The following PMPCB variants were observed in gnomAD, a reference collection of about 807,000 sequenced individuals.
The protein encoded by PMPCB is mitochondrial-processing peptidase subunit beta.
A neutral mutation model predicts 61.5 loss-of-function variants in PMPCB; 46 were observed. The observed-to-expected ratio is 0.75, with a 90% confidence interval of 0.59 to 0.96. The LOEUF (loss-of-function observed/expected upper bound fraction) is 0.96, where lower values mean the gene tolerates loss of function less well. PMPCB is among the 40% of genes least tolerant of loss of function. The pLI is 0.00. For missense variants in PMPCB, 590 were observed against 602.4 expected, an observed-to-expected ratio of 0.98 and a Z score of 0.22; for synonymous variants, 191 against 201.6, an observed-to-expected ratio of 0.95 and a Z score of 0.44.
In PMPCB at chr7:103,309,101, T is replaced by G. The variant is rs1175322767; in HGVS notation, c.993+6T>G. 1 of 1,583,158 alleles carries G rather than the reference T, an allele frequency of 6.3e-7. No homozygotes were observed. Among genetic ancestry groups the G allele is most frequent in the Admixed American group, 1.9e-5 (1 of 52,990 alleles). ...GCTCTTTTGGGGGAGGAATGGTAAG[T>G]GATTTTAAAAGAAATTTTCCATAAC... is the stretch of plus-strand genomic sequence containing the variant. On this transcript the variant is annotated splice_donor_region_variant and intron_variant, in intron 8 of 12. Transcript: ENST00000249269.
intron 7 of PMPCB, among the ~76,000 whole-genome samples, chr7:103,308,633 A>G (rs1205886798): frequency 6.6e-6 from 1 of 152,184 alleles, no homozygotes; most frequent in Non-Finnish European, 1.5e-5. Flanking sequence ...AAAAAGAAAG[A>G]AAAAGACAAA....
At chr7:103,341,983 C>T in the PMPCB span, 21 of 1,482,898 alleles carry the variant, frequency 1.4e-5, no homozygotes, top group Non-Finnish European at 1.8e-5. Flanking sequence ...AGAGAGGCTT[C>T]AGTGTATCGC....
downstream of PMPCB, chr7:103,319,579 A>T (rs955926545): frequency 6.2e-7 from 1 of 1,605,908 alleles, no homozygotes; most frequent in African/African-American, 1.3e-5. Flanking sequence ...AATGCTACAT[A>T]TAGGTAGGAG....
At chr7:103,304,105 A>C (rs943324393) in intron 5 of PMPCB, 65 bp downstream of exon 5, 2 of 1,253,658 alleles carry the variant, frequency 1.6e-6, no homozygotes, top group East Asian at 2.3e-5. Context: ...AACATTTACA[A>C]ATTTTCAAAA....
intron 12 of PMPCB, chr7:103,326,421 G>C (rs1430006981): frequency 1.0e-6 from 1 of 968,308 alleles, no homozygotes; most frequent in African/African-American, 1.7e-5. Context: ...AGGAGGAGGA[G>C]GAAGAGACAG....
intron 4 of PMPCB, among the ~76,000 whole-genome samples, chr7:103,301,238 C>A (rs573848746): frequency 6.6e-6 from 1 of 152,290 alleles, no homozygotes; most frequent in South Asian, 2.1e-4. Context: ...TGTCTTCTTA[C>A]CAGATTCATT....
In PMPCB at chr7:103,312,702, C is replaced by A; in HGVS notation, c.*431C>A. On this transcript the variant is annotated 3_prime_UTR_variant, in exon 13 of 13. Coordinates refer to ENST00000249269, the MANE Select transcript of PMPCB (RefSeq NM_004279.3). ...GCGATTTAAAAACAGACATTTTAAT[C>A]TAGTGTTTGGTGTAAAGAATTCAAG... is the stretch of plus-strand genomic sequence containing the variant. 1 of 1,600,180 alleles carries A rather than the reference C, an allele frequency of 6.2e-7. No homozygotes were observed. Among genetic ancestry groups the A allele is most frequent in the South Asian group, 1.1e-5 (1 of 88,516 alleles).
chr7:103,314,875 C>T (rs567267663), downstream of PMPCB, among the ~76,000 whole-genome samples: 18 of 152,198 alleles, frequency 1.2e-4, no homozygotes, highest in East Asian at 2.1e-3. Context: ...CATCTTTCTG[C>T]GATTAGTTTA....
intron 9 of PMPCB, chr7:103,311,338 C>A (rs1817743755): frequency 5.6e-6 from 2 of 356,192 alleles, no homozygotes; most frequent in South Asian, 1.1e-4. Context: ...CTGACTTAAC[C>A]CATAGCATAT....
At position 103,312,576 on chromosome 7, in the gene PMPCB, T is replaced by C; in HGVS notation, c.*305T>C. Reference sequence around the variant, plus strand: ...CACACACAACAAAGATTGTCATTTCTTGGCTCTACTTGCATTCAGCACTTG... The same window carrying C: ...CACACACAACAAAGATTGTCATTTCCTGGCTCTACTTGCATTCAGCACTTG... On this transcript the variant is annotated 3_prime_UTR_variant, in exon 13 of 13. Coordinates refer to ENST00000249269, the MANE Select transcript of PMPCB (RefSeq NM_004279.3). 1 of 1,612,374 alleles carries C rather than the reference T, an allele frequency of 6.2e-7. No homozygotes were observed. The highest frequency in any genetic ancestry group is 8.5e-7 in the Non-Finnish European group (1 of 1,179,516).
intron 12 of PMPCB, among the ~76,000 whole-genome samples, chr7:103,327,005 G>C (rs1252600613): frequency 1.3e-5 from 2 of 152,166 alleles, no homozygotes; most frequent in African/African-American, 4.8e-5. Context: ...GTAAAAGATC[G>C]AAGGATCTTA....
chr7:103,312,473 A>G lies in PMPCB; in HGVS notation c.*202A>G, dbSNP rs1489496922. ...TCTGAGAAATTATGTTGGAAGCAGC[A>G]TACTTTCAAATTATTACCATGAGTA... is the stretch of plus-strand genomic sequence containing the variant. On this transcript the variant is annotated 3_prime_UTR_variant, in exon 13 of 13. Transcript: ENST00000249269. The G allele has an allele frequency of 5.8e-6, 9 of 1,551,350 alleles. No homozygotes were observed. The highest frequency in any genetic ancestry group is 6.1e-6 in the Non-Finnish European group (7 of 1,155,610).
the PMPCB span, chr7:103,344,627 G>T: frequency 6.2e-7 from 1 of 1,609,706 alleles, no homozygotes. Context: ...CAGCATGATG[G>T]CGCCGGGTCT....
chr7:103,327,239 G>C lies in PMPCB; in HGVS notation c.*1432-1692G>C, dbSNP rs913160602. ...CAACTTCTTGATTTAAACTAGGCTA[G>C]CAAAACATCTAAGGAACAGTTTAGT... On this transcript the variant is annotated intron_variant and NMD_transcript_variant, in intron 12 of 12. Coordinates refer to the PMPCB transcript ENST00000444457. 3 of 626,124 alleles carry C rather than the reference G, an allele frequency of 4.8e-6. No individual in the cohort carries two copies. In the African/African-American group the frequency reaches 5.8e-5, roughly 12 times the overall value. The allele number at this position is 626,124 out of a possible 1,614,324, so 38.8% of individuals were successfully genotyped here.
At chr7:103,320,762 CATATATATAT>C (rs71519145) in intron 12 of PMPCB, 3 of 135,930 alleles carry the variant, frequency 2.2e-5, no homozygotes, top group Non-Finnish European at 4.5e-5. Context: ...TATATATACA[CATATATATAT>C]ATATATATAT....
chr7:103,317,013 A>G (rs756814317), downstream of PMPCB: 8 of 1,612,052 alleles, frequency 5.0e-6, no homozygotes, highest in Non-Finnish European at 6.8e-6. Flanking sequence ...TATTTCTTCT[A>G]TCTGCACAAA....
At chr7:103,316,715 G>T, downstream of PMPCB, 2 of 885,876 alleles carry the variant, frequency 2.3e-6, no homozygotes, top group Non-Finnish European at 3.4e-6. Flanking sequence ...TTCTGCTGTG[G>T]CACAGAATTT....
the PMPCB span, among the ~76,000 whole-genome samples, chr7:103,346,359 C>T: frequency 6.6e-6 from 1 of 152,150 alleles, no homozygotes; most frequent in Non-Finnish European, 1.5e-5. Context: ...TCTCCAACTC[C>T]TGACCTCATG....
intron 6 of PMPCB, among the ~76,000 whole-genome samples, chr7:103,306,628 G>A (rs1375442734): frequency 6.6e-5 from 10 of 152,040 alleles, no homozygotes; most frequent in African/African-American, 2.4e-4. Context: ...CAGGTGATCC[G>A]CCTGCCTCAG....
Sources: allele counts gnomAD v4.1 joint callset (sites outside exome capture counted in the v4.1 genomes callset), GRCh38; gene constraint gnomAD v4.1.1; transcripts MANE v1.5; gene names NCBI Gene and HGNC (gene_info 2026-07-23, HGNC 2026-07-21).